Variants in PCM1 observed in about 807,000 individuals in gnomAD.
PCM1 encodes pericentriolar material 1, also known as pericentriolar material 1 protein.
A neutral mutation model predicts 241.9 loss-of-function variants in PCM1; 157 were observed. The observed-to-expected ratio is 0.65, with a 90% CI of 0.57 to 0.74. The LOEUF (loss-of-function observed/expected upper bound fraction) is 0.74. Ranked by LOEUF, PCM1 falls within the 30% of genes least tolerant of loss-of-function variation. PCM1 has a pLI of 0.00. For missense variants in PCM1, 3,478 were observed against 2,360.1 expected (o/e 1.47, Z -9.81); for synonymous variants, 1,085 against 784.9 (o/e 1.38, Z -6.39).
intron 4 of PCM1, among the ~76,000 whole-genome samples, chr8:17,938,344 A>C (rs1287958047): frequency 6.6e-6 from 1 of 152,170 alleles, no homozygotes; most frequent in African/African-American, 2.4e-5. Flanking sequence ...ATGAAACATA[A>C]ATGAATTTTA....
intron 30 of PCM1, among the ~76,000 whole-genome samples, chr8:18,007,562 T>A (rs766824970): frequency 2.6e-5 from 4 of 152,216 alleles, no homozygotes; most frequent in Non-Finnish European, 4.4e-5. Context: ...TGTGGACAGA[T>A]CCCAAAGCAT....
chr8:18,029,183 GTTAAC>G lies in PCM1; in HGVS notation c.*1524_*1528del, dbSNP rs2094398110. 1.7e-5 allele frequency: 2 copies of G among 117,356 alleles called. No individual in the cohort carries two copies. The highest frequency in any genetic ancestry group is 1.8e-5 in the Non-Finnish European group (1 of 54,666). The allele number at this position is 117,356 out of a possible 1,614,324, so 7.3% of individuals were successfully genotyped here. ...AAAAAAAAAAAAAAAAAAAAAAAAA[GTTAAC>G]TTGCTGTATACCTCAGTGTAATGTC... On this transcript the variant is annotated 3_prime_UTR_variant, in exon 39 of 39. Transcript: ENST00000325083.
rs761732655 is a variant in PCM1, at chr8:18,014,705, C to A, written c.5706C>A (p.Asn1902Lys). ...CTGTTGATTCAACTCAACAGCCTAA[C>A]CCTTTGCCGTTACGTTTACCTGAAA... ...PPTVDSTQQP[N>K]PLPLRLPEME... The change falls in exon 36 of 39, where the codon AAC (asparagine) becomes AAA (lysine). Residue 1902 changes from asparagine to lysine, a missense_variant. Transcript: ENST00000325083. 1.9e-6 allele frequency: 3 copies of A among 1,613,694 alleles called. No homozygotes were observed. Among genetic ancestry groups the A allele is most frequent in the South Asian group, 2.2e-5 (2 of 91,086 alleles).
chr8:18,019,642 G>T (rs1564434577), intron 36 of PCM1, among the ~76,000 whole-genome samples: 1 of 152,112 alleles, frequency 6.6e-6, no homozygotes, highest in Non-Finnish European at 1.5e-5. Context: ...TTCACAATAG[G>T]GTTCAAGCTC....
chr8:17,935,295 C>T (rs1235894443), intron 2 of PCM1, among the ~76,000 whole-genome samples: 1 of 152,130 alleles, frequency 6.6e-6, no homozygotes, highest in African/African-American at 2.4e-5. Flanking sequence ...ATTGTTCTAC[C>T]CTTTGGAACT....
chr8:18,003,087 C>G (rs2090149126), intron 29 of PCM1, among the ~76,000 whole-genome samples: 1 of 152,220 alleles, frequency 6.6e-6, no homozygotes, highest in Non-Finnish European at 1.5e-5. Flanking sequence ...TTATCCTTTA[C>G]CTGCTTAGTG....
intron 17 of PCM1, among the ~76,000 whole-genome samples, chr8:17,963,610 C>A (rs1440169572): frequency 6.6e-6 from 1 of 152,186 alleles, no homozygotes; most frequent in Non-Finnish European, 1.5e-5. Flanking sequence ...TAGTGCTTTT[C>A]TGTCAGGCCA....
intron 18 of PCM1, among the ~76,000 whole-genome samples, chr8:17,965,073 C>T (rs73571763): frequency 0.055 from 8,288 of 151,974 alleles, 772 homozygotes; most frequent in African/African-American, 0.19. Flanking sequence ...GAACAACTCA[C>T]GAAATACAGG....
At chr8:18,014,968 T>G in intron 36 of PCM1, 128 bp downstream of exon 36, 1 of 784,304 alleles carries the variant, frequency 1.3e-6, no homozygotes, top group Non-Finnish European at 2.0e-6. Context: ...GGAACATTTT[T>G]CTAATTCACA....
At chr8:17,963,033 GTCTTTTAC>G (rs1483510967) in intron 16 of PCM1, 60 bp from the exon 17 acceptor site, 1 of 1,134,274 alleles carries the variant, frequency 8.8e-7, no homozygotes, top group African/African-American at 1.6e-5. Context: ...AATACTAGTA[GTCTTTTAC>G]TCTTTTAGGC....
In PCM1 at chr8:17,985,574, A is replaced by G. The variant is rs771914471; in HGVS notation, c.4236A>G (p.Leu1412=). Residue 1412 remains leucine (L), a synonymous_variant, in exon 25 of 39, where the codon CTA becomes CTG. Coordinates refer to ENST00000325083, the MANE Select transcript of PCM1 (RefSeq NM_006197.4). ...TTGAACTCTTCCATGAGCTGCAGCT[A>G]CTAAACACAGACTACTTGAGACAGA... The part of the protein sequence containing the change: ...FLIELFHELQ[L]LNTDYLRQRA... 6 of 1,607,624 alleles carry G rather than the reference A, an allele frequency of 3.7e-6. No individual in the cohort carries two copies. The highest frequency in any genetic ancestry group is 2.2e-5 in the East Asian group (1 of 44,698).
At chr8:17,930,993 A>G (rs571404436) in intron 2 of PCM1, among the ~76,000 whole-genome samples, 3 of 152,302 alleles carry the variant, frequency 2.0e-5, no homozygotes, top group East Asian at 1.9e-4. Flanking sequence ...TGGTGTCATC[A>G]TTAAGTTACA....
intron 26 of PCM1, chr8:17,986,313 C>T (rs2082576049): frequency 1.4e-5 from 4 of 295,816 alleles, no homozygotes; most frequent in South Asian, 1.1e-4. Flanking sequence ...ATTATGAGGT[C>T]TGAGATAGCC....
At chr8:18,013,881 A>G (rs2129486095) in intron 34 of PCM1, 83 bp from the exon 35 acceptor site, 2 of 793,012 alleles carry the variant, frequency 2.5e-6, no homozygotes, top group Admixed American at 3.3e-5. Context: ...CTTGGGTTGG[A>G]CAAAAACTAC....
intron 6 of PCM1, among the ~76,000 whole-genome samples, chr8:17,946,430 A>G (rs1398143611): frequency 6.6e-6 from 1 of 152,192 alleles, no homozygotes; most frequent in Non-Finnish European, 1.5e-5. Flanking sequence ...TGTTAGAAAT[A>G]GTAGGTGTGC....
chr8:18,020,007 G>T (rs1294524447), intron 36 of PCM1, among the ~76,000 whole-genome samples: 3 of 152,160 alleles, frequency 2.0e-5, no homozygotes, highest in African/African-American at 7.2e-5. Context: ...ACATTTCTCT[G>T]CTGGCTTCCC....
rs71215287 is a variant in PCM1 at position 17,928,616 on chromosome 8, C to CTTTTTT, written c.-23+3859_-23+3864dup. ...TCTTCTGCATTTTTAGTATCTCCCT[C>CTTTTTT]TTTTTTTTTTTTTTTTTTTTTTTTT... On this transcript the variant is annotated intron_variant, in intron 2 of 38. Transcript: ENST00000325083. Among the ~76,000 whole-genome samples the CTTTTTT allele has an allele frequency of 2.4e-5, 2 of 82,568 alleles. 1 individual carries two copies. 54.2% of individuals were successfully genotyped at this position (82,568 alleles called of 152,430 possible).
Position 17,966,381 on chromosome 8 carries a change from C to T in PCM1, c.3129C>T (p.Pro1043=), listed in dbSNP as rs1188370487. ...TLLTGPYSVM[P]SNVASPQVHF... ...TCACGGGTCCTTACAGTGTTATGCC[C>T]AGCAATGTTGCATCTCCTCAAGTAC... Residue 1043 remains proline (P), a synonymous_variant, in exon 20 of 39, where the codon CCC becomes CCT. Coordinates refer to ENST00000325083, the MANE Select transcript of PCM1 (RefSeq NM_006197.4). 1.2e-6 allele frequency: 2 copies of T among 1,613,472 alleles called. No individual in the cohort carries two copies. Among genetic ancestry groups the T allele is most frequent in the East Asian group, 2.2e-5 (1 of 44,864 alleles).
intron 21 of PCM1, among the ~76,000 whole-genome samples, chr8:17,967,913 G>A (rs560448985): frequency 6.6e-5 from 10 of 152,210 alleles, no homozygotes; most frequent in African/African-American, 1.9e-4. Flanking sequence ...AAGTTACTGG[G>A]ATCTAAAGAT....
Sources: gnomAD v4.1 joint callset for allele counts (sites outside exome capture counted in the v4.1 genomes callset) on GRCh38, gnomAD v4.1.1 for gene constraint, MANE v1.5 for transcripts, NCBI Gene and HGNC (gene_info 2026-07-23, HGNC 2026-07-21) for gene names.